Variants in SLC24A5 observed in about 807,000 individuals in gnomAD.
SLC24A5 encodes the protein solute carrier family 24 member 5, also known as sodium/potassium/calcium exchanger 5.
In SLC24A5, 46 loss-of-function variants were observed where a neutral mutation model predicts 51.6. The ratio of observed to expected loss-of-function variants is 0.89; its 90% confidence interval spans 0.70 to 1.14. SLC24A5 has a LOEUF of 1.14. Ranked by LOEUF, SLC24A5 falls within the 50% of genes most tolerant of loss-of-function variation. SLC24A5 has a pLI of 0.00. For synonymous variants in SLC24A5, 230 were observed against 214.9 expected, an observed-to-expected ratio of 1.07 and a Z score of -0.62; for missense variants, 581 against 604.1, an observed-to-expected ratio of 0.96 and a Z score of 0.40.
chr15:48,131,956 T>C (rs2038794837), intron 2 of SLC24A5, among the ~76,000 whole-genome samples: 1 of 152,140 alleles, frequency 6.6e-6, no homozygotes, highest in African/African-American at 2.4e-5. Context: ...AGGGATAAAA[T>C]TAATGACTGG....
chr15:48,125,483 A>T (rs1341784956), intron 2 of SLC24A5, among the ~76,000 whole-genome samples: 1 of 152,074 alleles, frequency 6.6e-6, no homozygotes, highest in Admixed American at 6.6e-5. Context: ...CTACATGATA[A>T]AACTTTACAC....
rs765262854 is a variant in SLC24A5, at chr15:48,142,269, C to T, written c.1421C>T (p.Ser474Leu). The T allele has an allele frequency of 4.3e-6, 7 of 1,613,492 alleles. No homozygotes were observed. Among genetic ancestry groups the T allele is most frequent in the Non-Finnish European group, 5.9e-6 (7 of 1,179,712 alleles). The change falls in exon 9 of 9, where the codon TCA becomes TTA. Residue 474 changes from serine to leucine, a missense_variant. Transcript: ENST00000341459. ...DRKLGIVCLL[S>L]YLGLATLSVL... is the part of the protein sequence containing the mutation. The stretch of plus-strand genomic sequence containing the variant: ...AAGTTGGGAATAGTCTGCCTATTAT[C>T]ATACTTGGGGCTTGCTACATTATCA...
Position 48,134,919 on chromosome 15 carries a change from C to G in SLC24A5, c.525C>G (p.Asp175Glu). The part of the protein sequence containing the change: ...STLSCWPLFR[D>E]CAAYTISAAA... ...TATCATGTTGGCCCCTATTCAGAGA[C>G]TGTGCAGCGTACACAATTAGTGCAG... is the stretch of plus-strand genomic sequence containing the variant. The change falls in exon 5 of 9, where the codon GAC becomes GAG. Residue 175 changes from aspartate (D) to glutamate (E), a missense_variant. Asp to Glu is a conservative substitution (Grantham distance 45). Transcript: ENST00000341459. The G allele has an allele frequency of 6.2e-7, 1 of 1,612,300 alleles. No individual in the cohort carries two copies. Among genetic ancestry groups the G allele is most frequent in the Non-Finnish European group, 8.5e-7 (1 of 1,178,856 alleles).
chr15:48,139,235 A>T, intron 7 of SLC24A5, 60 bp downstream of exon 7: 4 of 1,397,214 alleles, frequency 2.9e-6, no homozygotes, highest in Non-Finnish European at 4.0e-6. Flanking sequence ...CAAATTGCAT[A>T]TGTTCACTCA....
intron 2 of SLC24A5, among the ~76,000 whole-genome samples, chr15:48,126,923 A>G (rs1354367201): frequency 6.6e-6 from 1 of 152,118 alleles, no homozygotes; most frequent in Non-Finnish European, 1.5e-5. Flanking sequence ...ATATATTGAT[A>G]TAGTTGCTGA....
At chr15:48,131,932 A>T (rs980610494) in intron 2 of SLC24A5, among the ~76,000 whole-genome samples, 5 of 152,096 alleles carry the variant, frequency 3.3e-5, no homozygotes, top group Non-Finnish European at 7.4e-5. Context: ...GATCTCTCAG[A>T]CCAAATTACC....
chr15:48,142,298 C>T lies in SLC24A5; in HGVS notation c.1450C>T (p.Leu484=). The T allele has an allele frequency of 1.9e-6, 3 of 1,611,912 alleles. No individual in the cohort carries two copies. The highest frequency in any genetic ancestry group is 1.1e-5 in the South Asian group (1 of 90,860). Residue 484 remains leucine (L), a synonymous_variant, in exon 9 of 9, where the codon CTA becomes TTA. Coordinates refer to ENST00000341459, the MANE Select transcript of SLC24A5 (RefSeq NM_205850.3). ...SYLGLATLSV[L]YELGIIGNNK... ...CTTGGGGCTTGCTACATTATCAGTT[C>T]TATATGAACTTGGAATTATTGGAAA...
chr15:48,140,925 G>A (rs2039055706), intron 7 of SLC24A5, 188 bp from the exon 8 acceptor site: 1 of 491,612 alleles, frequency 2.0e-6, no homozygotes, highest in Non-Finnish European at 3.7e-6. Context: ...GTGCTACCTG[G>A]GTTACCCGAA....
chr15:48,139,252 T>TCTAG, intron 7 of SLC24A5, 77 bp downstream of exon 7: 1 of 1,238,354 alleles, frequency 8.1e-7, no homozygotes. Context: ...CTCAAAGTAG[T>TCTAG]CTAGCTACAC....
intron 2 of SLC24A5, chr15:48,122,346 C>G (rs1462646604): frequency 1.9e-6 from 1 of 532,314 alleles, no homozygotes; most frequent in South Asian, 3.2e-5. Context: ...CTTGTATGTA[C>G]TTTGTGTGCG....
At chr15:48,139,242 C>A in intron 7 of SLC24A5, 67 bp downstream of exon 7, 1 of 1,334,348 alleles carries the variant, frequency 7.5e-7, no homozygotes, top group Non-Finnish European at 1.1e-6. Context: ...CATATGTTCA[C>A]TCAAAGTAGT....
chr15:48,131,276 A>G (rs2038787043), intron 2 of SLC24A5, among the ~76,000 whole-genome samples: 1 of 152,116 alleles, frequency 6.6e-6, no homozygotes, highest in Non-Finnish European at 1.5e-5. Flanking sequence ...GAGTGATTAT[A>G]CGTATGCATG....
At position 48,121,987 on chromosome 15, in the gene SLC24A5, T is replaced by C. The variant is rs751066890; in HGVS notation, c.252T>C (p.Ser84=). The part of the protein sequence containing the change: ...LIIVYMFMAI[S]IVCDEYFLPS... ...TCGTTTACATGTTCATGGCCATATC[T>C]ATTGTCTGTGATGAATACTTCCTAC... The change falls in exon 2 of 9, where the codon TCT becomes TCC. Residue 84 remains serine, a synonymous_variant. Coordinates refer to ENST00000341459, the MANE Select transcript of SLC24A5 (RefSeq NM_205850.3). 9.9e-6 allele frequency: 16 copies of C among 1,614,206 alleles called. No homozygotes were observed. The Admixed American group carries it at 2.5e-4, about 25-fold the overall frequency.
chr15:48,134,496 T>C lies in SLC24A5; in HGVS notation c.447T>C (p.Asn149=), dbSNP rs764972513. 6 of 1,613,418 alleles carry C rather than the reference T, an allele frequency of 3.7e-6. No homozygotes were observed. Among genetic ancestry groups the C allele is most frequent in the African/African-American group, 2.7e-5 (2 of 74,896 alleles). ...CCATCCTTGGATCTGCAATTTATAA[T>C]CTCCTTGGCATCTGTGCTGCCTGTG... The part of the protein sequence containing the change: ...ISTILGSAIY[N]LLGICAACGL... Residue 149 remains asparagine, a synonymous_variant, in exon 4 of 9, where the codon AAT becomes AAC. Coordinates refer to ENST00000341459, the MANE Select transcript of SLC24A5 (RefSeq NM_205850.3).
Position 48,142,538 on chromosome 15 carries a change from T to C in SLC24A5, c.*187T>C, listed in dbSNP as rs1404803185. On this transcript the variant is annotated 3_prime_UTR_variant, in exon 9 of 9. Coordinates refer to ENST00000341459, the MANE Select transcript of SLC24A5 (RefSeq NM_205850.3). ...CTTTCTTTTCATGAAAAATTACATA[T>C]TATAAAACAGAAGTTTGGGGGGAAA... is the stretch of plus-strand genomic sequence containing the variant. The C allele has an allele frequency of 7.7e-6, 4 of 517,110 alleles. No homozygotes were observed. The highest frequency in any genetic ancestry group is 6.4e-5 in the East Asian group (2 of 31,234). The allele number at this position is 517,110 out of a possible 1,614,324, so 32.0% of individuals were successfully genotyped here.
chr15:48,138,982 T>C lies in SLC24A5; in HGVS notation c.885T>C (p.Val295=). ...TTTCCACAACAGATCCACCAAGTGT[T>C]TTCAACATGCCTGAAGCAGACTTAA... is the stretch of plus-strand genomic sequence containing the variant. ...LSQVSEDPPS[V]FNMPEADLKR... is the part of the protein sequence containing the mutation. The change falls in exon 7 of 9, where the codon GTT becomes GTC. Residue 295 remains valine, a synonymous_variant. Coordinates refer to ENST00000341459, the MANE Select transcript of SLC24A5 (RefSeq NM_205850.3). The C allele has an allele frequency of 6.2e-7, 1 of 1,612,104 alleles. No individual in the cohort carries two copies. Among genetic ancestry groups the C allele is most frequent in the South Asian group, 1.1e-5 (1 of 90,880 alleles).
chr15:48,134,431 A>G lies in SLC24A5; in HGVS notation c.386-4A>G, dbSNP rs2140728496. ...TAACTTAGCTGGTACTATCTTGCAC[A>G]TAGGTGTATTTATCACAAAGGGAGA... On this transcript the variant is annotated splice_region_variant and splice_polypyrimidine_tract_variant and intron_variant, in intron 3 of 8. Coordinates refer to ENST00000341459, the MANE Select transcript of SLC24A5 (RefSeq NM_205850.3). 6.2e-7 allele frequency: 1 copy of G among 1,611,966 alleles called. No individual in the cohort carries two copies. Among genetic ancestry groups the G allele is most frequent in the Non-Finnish European group, 8.5e-7 (1 of 1,178,204 alleles).
chr15:48,132,865 G>A (rs1198765589), intron 2 of SLC24A5, among the ~76,000 whole-genome samples: 1 of 152,132 alleles, frequency 6.6e-6, no homozygotes, highest in East Asian at 1.9e-4. Context: ...GAAATGTCCT[G>A]TGATGATAGT....
intron 7 of SLC24A5, 186 bp from the exon 8 acceptor site, chr15:48,140,927 T>A: frequency 2.0e-6 from 1 of 494,890 alleles, no homozygotes; most frequent in Non-Finnish European, 3.7e-6. Flanking sequence ...GCTACCTGGG[T>A]TACCCGAATT....
Sources: allele counts gnomAD v4.1 joint callset (sites outside exome capture counted in the v4.1 genomes callset), GRCh38; gene constraint gnomAD v4.1.1; transcripts MANE v1.5; gene names NCBI Gene and HGNC (gene_info 2026-07-23, HGNC 2026-07-21).